The following TP73 variants were observed in gnomAD, a reference collection of about 807,000 sequenced individuals.
TP73 encodes the protein tumor protein p73, also known as p53-like transcription factor.
In TP73, 25 loss-of-function variants were observed where a neutral mutation model predicts 62.5. The observed-to-expected ratio is 0.40, with a 90% CI of 0.29 to 0.56. The LOEUF is 0.56. TP73 is among the 20% of genes least tolerant of loss of function. The pLI, the probability that TP73 is intolerant of heterozygous loss-of-function variation, is 0.46. For synonymous variants in TP73, 423 were observed against 377.5 expected, an observed-to-expected ratio of 1.12 and a Z score of -1.40; for missense variants, 754 against 913.3, an observed-to-expected ratio of 0.83 and a Z score of 2.25.
intron 4 of TP73, chr1:3,712,095 G>A (rs1322117534): frequency 1.3e-5 from 2 of 152,134 alleles, no homozygotes; most frequent in African/African-American, 4.8e-5. Flanking sequence ...GTCCCAACAC[G>A]ATCATGGTAT....
At chr1:3,731,373 G>A (rs115433433) in intron 12 of TP73, 90 bp from the exon 13 acceptor site, 15 of 1,344,902 alleles carry the variant, frequency 1.1e-5, no homozygotes, top group Non-Finnish European at 1.5e-5. Flanking sequence ...GGCAGTCTCC[G>A]CCCCAGCCAG....
At position 3,731,035 on chromosome 1, in the gene TP73, C is replaced by A. The variant is rs1642098334; in HGVS notation, c.1454C>A (p.Pro485His). ...MVSGSHCTPP[P>H]PYHADPSLVS... ...TCGGGGTCCCACTGCACTCCGCCAC[C>A]CCCCTACCACGCCGACCCCAGCCTC... is the stretch of plus-strand genomic sequence containing the variant. Residue 485 changes from proline to histidine, a missense_variant, in exon 12 of 14, where the codon CCC becomes CAC. Pro to His is a moderately conservative substitution (Grantham distance 77). Around this residue, in one of 3 missense-constraint regions of TP73, gnomAD observed 458 missense variants for 528.7 expected, o/e 0.87. Coordinates refer to ENST00000378295, the MANE Select transcript of TP73 (RefSeq NM_005427.4). The A allele has an allele frequency of 6.2e-7, 1 of 1,612,324 alleles. No homozygotes were observed. Among genetic ancestry groups the A allele is most frequent in the Non-Finnish European group, 8.5e-7 (1 of 1,179,704 alleles).
At chr1:3,659,491 C>G (rs1158576845) in intron 1 of TP73, 1 of 152,062 alleles carries the variant, frequency 6.6e-6, no homozygotes, top group Non-Finnish European at 1.5e-5. Flanking sequence ...GGAGTTGCAG[C>G]CAGATACTGG....
In TP73 at chr1:3,707,796, G is replaced by A; in HGVS notation, c.429+5G>A. On this transcript the variant is annotated splice_donor_5th_base_variant and intron_variant, in intron 4 of 13. Transcript: ENST00000378295. The stretch of plus-strand genomic sequence containing the variant: ...GCCAAGTCAGCCACCTGGACGGTGA[G>A]TTCCCCTAGTCCCTGAGGGCTGCGG... 7 of 1,612,192 alleles carry A rather than the reference G, an allele frequency of 4.3e-6. No individual in the cohort carries two copies. Among genetic ancestry groups the A allele is most frequent in the Non-Finnish European group, 5.1e-6 (6 of 1,179,740 alleles).
chr1:3,722,103 C>G lies in TP73; in HGVS notation c.512C>G (p.Pro171Arg). ...ATCAAGGTGTCCACCCCGCCACCCC[C>G]AGGCACCGCCATCCGGGCCATGCCT... ...IQIKVSTPPPPGTAIRAMPVY... is the reference protein window; with the variant it reads ...IQIKVSTPPPRGTAIRAMPVY... The change falls in exon 5 of 14, where the codon CCA becomes CGA. Residue 171 changes from proline to arginine, a missense_variant. Pro to Arg is a moderately radical substitution (Grantham distance 103). This residue lies in a region of TP73 where 235 missense variants were observed against 251.4 expected (regional missense o/e 0.93). Transcript: ENST00000378295. 6.2e-7 allele frequency: 1 copy of G among 1,612,924 alleles called. No individual in the cohort carries two copies.
rs1042229458 is a variant in TP73, at chr1:3,690,552, C to T, written c.186+7372C>T. The stretch of plus-strand genomic sequence containing the variant: ...TGGAGCCGGCGCTGACCGGCGTCCC[C>T]GCCCTCCCCACGCAGCCTCCTTGGT... On this transcript the variant is annotated intron_variant, in intron 3 of 13. Transcript: ENST00000378295. 1.8e-5 allele frequency: 19 copies of T among 1,051,612 alleles called. No homozygotes were observed. In the Admixed American group the frequency reaches 4.1e-4, roughly 23 times the overall value. 65.1% of individuals were successfully genotyped at this position (1,051,612 alleles called of 1,614,324 possible). A position where few individuals can be genotyped will look rare whatever the true frequency, so the allele number is the denominator to read the frequency against.
rs1053246766 is a variant in TP73, at chr1:3,666,070, G to A, written c.-34+13429G>A. On this transcript the variant is annotated intron_variant, in intron 1 of 13. Transcript: ENST00000378295. This position sits in a 1 kb window ranked among gnomAD's most constrained non-coding sequence, Gnocchi z 6.4. ...AGCCAGGAGGCGGAGTTTGTGGTGAGCTGAGATCGCACCATTGTACTCCAG... is the reference window on the plus strand; with the variant it reads ...AGCCAGGAGGCGGAGTTTGTGGTGAACTGAGATCGCACCATTGTACTCCAG... 1.4e-5 allele frequency among the ~76,000 whole-genome samples: 2 copies of A among 144,818 alleles called. No individual in the cohort carries two copies. The highest frequency in any genetic ancestry group is 5.2e-5 in the African/African-American group (2 of 38,660).
Position 3,733,753 on chromosome 1 carries a change from C to A in TP73, c.*674C>A, listed in dbSNP as rs74489056. ...GAAAACTGGGGAGGGCGCAACCCCC[C>A]CCAGGCGCGGGGAAGCATGTGGTAC... On this transcript the variant is annotated 3_prime_UTR_variant, in exon 14 of 14. Transcript: ENST00000378295. The A allele has an allele frequency of 0.017, 2,559 of 152,414 alleles. 37 individuals are homozygous for A. Among genetic ancestry groups the A allele is most frequent in the Middle Eastern group, 0.038 (12 of 314 alleles). The allele number at this position is 152,414 out of a possible 1,614,324, so 9.4% of individuals were successfully genotyped here.
chr1:3,688,646 C>T (rs765436297), intron 3 of TP73, among the ~76,000 whole-genome samples: 1 of 152,236 alleles, frequency 6.6e-6, no homozygotes, highest in Non-Finnish European at 1.5e-5. Context: ...TGTCCCTGTC[C>T]TCTGCAAGGC....
intron 4 of TP73, among the ~76,000 whole-genome samples, chr1:3,710,907 G>A (rs960489447): frequency 1.3e-5 from 2 of 152,230 alleles, no homozygotes; most frequent in African/African-American, 4.8e-5. Flanking sequence ...TGGAAACCCA[G>A]GAGGAGGAGG....
chr1:3,677,710 T>G (rs967127366), intron 1 of TP73, among the ~76,000 whole-genome samples: 1 of 147,066 alleles, frequency 6.8e-6, no homozygotes, highest in South Asian at 2.1e-4. Context: ...TTTTTTTTTT[T>G]AGAGTTGTGG....
chr1:3,678,678 C>A (rs928205999), intron 1 of TP73, among the ~76,000 whole-genome samples: 4 of 152,216 alleles, frequency 2.6e-5, no homozygotes, highest in African/African-American at 9.6e-5. Flanking sequence ...TGCAGCAGGG[C>A]CCCGAGCAGT....
intron 4 of TP73, among the ~76,000 whole-genome samples, chr1:3,711,905 G>A (rs1640184371): frequency 6.6e-6 from 1 of 151,946 alleles, no homozygotes; most frequent in Non-Finnish European, 1.5e-5. Flanking sequence ...TTAGGGGAGA[G>A]CTGGCTCCAC....
At chr1:3,707,509 G>A (rs778083958) in intron 3 of TP73, 40 bp from the exon 4 acceptor site, 2 of 1,586,012 alleles carry the variant, frequency 1.3e-6, no homozygotes, top group East Asian at 2.3e-5. Flanking sequence ...ACGACTGACT[G>A]TGTGTGTTTC....
At chr1:3,693,644 A>C (rs1638283855) in intron 3 of TP73, among the ~76,000 whole-genome samples, 1 of 152,040 alleles carries the variant, frequency 6.6e-6, no homozygotes, top group Admixed American at 6.5e-5. Flanking sequence ...ATGGGGACGC[A>C]GGGGGGCCTG....
intron 8 of TP73, 94 bp from the exon 9 acceptor site, chr1:3,728,035 G>A: frequency 7.4e-7 from 1 of 1,354,032 alleles, no homozygotes; most frequent in Non-Finnish European, 1.0e-6. Flanking sequence ...GAATCGATTG[G>A]CCCCAAGGGT....
chr1:3,675,621 G>A (rs2102061894), intron 1 of TP73, among the ~76,000 whole-genome samples: 1 of 152,266 alleles, frequency 6.6e-6, no homozygotes, highest in African/African-American at 2.4e-5. Context: ...GCTGAGTGCG[G>A]ACGGCTCGGT....
At position 3,683,162 on chromosome 1, in the gene TP73, C is replaced by T. The variant is rs1422196172; in HGVS notation, c.168C>T (p.Gly56=). The stretch of plus-strand genomic sequence containing the variant: ...GCATGGACGTCTTCCACCTGGAGGG[C>T]ATGACTACATCTGTCATGGTGAGTG... The part of the protein sequence containing the change: ...DSSMDVFHLE[G]MTTSVMAQFN... Residue 56 remains glycine (G), a synonymous_variant, in exon 3 of 14, where the codon GGC becomes GGT. Coordinates refer to ENST00000378295, the MANE Select transcript of TP73 (RefSeq NM_005427.4). 6.2e-7 allele frequency: 1 copy of T among 1,610,984 alleles called. No homozygotes were observed. Among genetic ancestry groups the T allele is most frequent in the South Asian group, 1.1e-5 (1 of 90,950 alleles).
chr1:3,704,442 G>T (rs1361669897), intron 3 of TP73, among the ~76,000 whole-genome samples: 1 of 152,242 alleles, frequency 6.6e-6, no homozygotes, highest in East Asian at 1.9e-4. Context: ...GTCCTCGTGG[G>T]TTCACAGTCG....
Sources: allele counts gnomAD v4.1 joint callset (sites outside exome capture counted in the v4.1 genomes callset), GRCh38; gene constraint gnomAD v4.1.1; regional missense constraint gnomAD v4.1.1; non-coding constraint Gnocchi (gnomAD v3.1); transcripts MANE v1.5; gene names NCBI Gene and HGNC (gene_info 2026-07-23, HGNC 2026-07-21).